RTN4: variants seen among roughly 807,000 people sequenced by gnomAD.
RTN4 encodes reticulon-4.
In RTN4, 32 loss-of-function variants were observed where a neutral mutation model predicts 90.4. The ratio of observed to expected loss-of-function variants is 0.35; its 90% CI spans 0.27 to 0.48. The LOEUF is 0.48. Ranked by LOEUF, RTN4 falls within the 20% of genes least tolerant of loss-of-function variation. The probability of loss-of-function intolerance (pLI) is 0.99; values close to 1 mark genes in which losing one functional copy is unlikely to be tolerated. For missense variants in RTN4, 1,706 were observed against 1,430.2 expected, an observed-to-expected ratio of 1.19 and a Z score of -3.11; for synonymous variants, 629 against 552.5, an observed-to-expected ratio of 1.14 and a Z score of -1.94.
At chr2:55,129,467 C>G in the RTN4 span, among the ~76,000 whole-genome samples, 1 of 152,102 alleles carries the variant, frequency 6.6e-6, no homozygotes, top group Admixed American at 6.5e-5. Flanking sequence ...GTAGTCCCAG[C>G]TACTCAGGAG....
chr2:54,986,460 A>C (rs1256749806), intron 4 of RTN4, among the ~76,000 whole-genome samples: 2 of 152,214 alleles, frequency 1.3e-5, no homozygotes, highest in Non-Finnish European at 2.9e-5. Flanking sequence ...GTGTTCCAAC[A>C]AACTATTTAC....
intron 2 of RTN4, among the ~76,000 whole-genome samples, chr2:55,077,073 C>T (rs1156374040): frequency 6.6e-6 from 1 of 150,994 alleles, no homozygotes; most frequent in African/African-American, 2.4e-5. Flanking sequence ...AGTGCAGTGG[C>T]GCGATCTCGG....
chr2:55,119,701 A>G, the RTN4 span, among the ~76,000 whole-genome samples: 5 of 152,214 alleles, frequency 3.3e-5, no homozygotes, highest in African/African-American at 9.7e-5. Context: ...AGAGAAGTCA[A>G]TAGTTCCCCA....
chr2:55,034,994 C>G (rs1014559651), intron 1 of RTN4, among the ~76,000 whole-genome samples: 1 of 152,050 alleles, frequency 6.6e-6, no homozygotes. Flanking sequence ...TAAAGAGGTA[C>G]AGCTAAAACC....
chr2:55,128,443 G>A, the RTN4 span, among the ~76,000 whole-genome samples: 1 of 152,206 alleles, frequency 6.6e-6, no homozygotes, highest in Admixed American at 6.5e-5. Flanking sequence ...TGAGGAAAAC[G>A]TGGAGTTCTA....
the RTN4 span, among the ~76,000 whole-genome samples, chr2:55,132,278 G>A: frequency 6.6e-6 from 1 of 151,966 alleles, no homozygotes; most frequent in Non-Finnish European, 1.5e-5. Flanking sequence ...TGAGGCGGGC[G>A]AATCACCTGA....
intron 1 of RTN4, among the ~76,000 whole-genome samples, chr2:55,104,179 C>T (rs550716527): frequency 6.6e-6 from 1 of 151,206 alleles, no homozygotes; most frequent in African/African-American, 2.4e-5. Flanking sequence ...GCCTCCCCAG[C>T]AGCTAAGATT....
At chr2:55,086,887 T>C (rs1413340828) in intron 1 of RTN4, among the ~76,000 whole-genome samples, 1 of 151,220 alleles carries the variant, frequency 6.6e-6, no homozygotes, top group Non-Finnish European at 1.5e-5. Flanking sequence ...CTCAGACTCC[T>C]GGCCTCAAGC....
At chr2:55,129,575 CTG>C in the RTN4 span, among the ~76,000 whole-genome samples, 7 of 133,906 alleles carry the variant, frequency 5.2e-5, no homozygotes, top group East Asian at 1.2e-3. Flanking sequence ...CAAAGCAAGA[CTG>C]TTTTTTTTTT....
chr2:54,998,738 T>A (rs1679638458), intron 3 of RTN4, among the ~76,000 whole-genome samples: 1 of 152,190 alleles, frequency 6.6e-6, no homozygotes, highest in South Asian at 2.1e-4. Context: ...TTTAAATTCA[T>A]TTTCAAATTA....
chr2:55,054,679 A>G (rs936662058), upstream of RTN4, among the ~76,000 whole-genome samples: 20 of 152,308 alleles, frequency 1.3e-4, no homozygotes, highest in Middle Eastern at 0.02. Context: ...TGGATTGTAG[A>G]GAAACCTGTT....
chr2:55,000,018 A>T (rs955634035), intron 3 of RTN4, among the ~76,000 whole-genome samples: 1 of 152,194 alleles, frequency 6.6e-6, no homozygotes, highest in Non-Finnish European at 1.5e-5. Context: ...AATTAGAAAA[A>T]TAATACCCAC....
intron 1 of RTN4, among the ~76,000 whole-genome samples, chr2:55,039,332 GCA>G (rs1491220536): frequency 5.9e-5 from 9 of 152,080 alleles, no homozygotes; most frequent in Admixed American, 6.5e-5. Context: ...CAAATAAATT[GCA>G]GAGAGAGAGA....
chr2:55,070,748 T>TTTGTTGTTGTTGTTG (rs71410417), intron 2 of RTN4, among the ~76,000 whole-genome samples: 4 of 149,524 alleles, frequency 2.7e-5, no homozygotes, highest in Admixed American at 6.7e-5. Context: ...TGTTTTGATT[T>TTTGTTGTTGTTGTTG]TTGTTGTTGT....
intron 1 of RTN4, among the ~76,000 whole-genome samples, chr2:55,090,636 T>C (rs1329459613): frequency 6.6e-6 from 1 of 152,194 alleles, no homozygotes; most frequent in Non-Finnish European, 1.5e-5. Context: ...GGAGTAGGGC[T>C]TTGGACCCAT....
At chr2:55,128,484 C>T in the RTN4 span, among the ~76,000 whole-genome samples, 1 of 152,168 alleles carries the variant, frequency 6.6e-6, no homozygotes, top group Admixed American at 6.5e-5. Context: ...TCCACTTGCG[C>T]TTCTCTCCTA....
intron 5 of RTN4, among the ~76,000 whole-genome samples, chr2:54,978,611 ATG>A (rs1399215306): frequency 6.6e-6 from 1 of 152,154 alleles, no homozygotes; most frequent in South Asian, 2.1e-4. Flanking sequence ...CTTGATAAAA[ATG>A]TCTTTTCTAA....
chr2:55,127,589 C>G, the RTN4 span, among the ~76,000 whole-genome samples: 1 of 152,172 alleles, frequency 6.6e-6, no homozygotes, highest in Non-Finnish European at 1.5e-5. Flanking sequence ...CCATTCATCA[C>G]GTCATCCATC....
intron 1 of RTN4, among the ~76,000 whole-genome samples, chr2:55,042,238 C>T (rs1683127486): frequency 6.6e-6 from 1 of 152,286 alleles, no homozygotes; most frequent in South Asian, 2.1e-4. Flanking sequence ...TAGCTACCAA[C>T]ATTTTAAATG....
Sources: allele counts gnomAD v4.1 joint callset (sites outside exome capture counted in the v4.1 genomes callset), GRCh38; gene constraint gnomAD v4.1.1; transcripts MANE v1.5; gene names NCBI Gene and HGNC (gene_info 2026-07-23, HGNC 2026-07-21).